KCNIP1: variants seen among roughly 807,000 people sequenced by gnomAD.
KCNIP1 encodes the protein potassium voltage-gated channel interacting protein 1, also known as A-type potassium channel modulatory protein KCNIP1.
Under a neutral mutation model 33.0 loss-of-function variants are expected in KCNIP1, and 18 were observed. The observed-to-expected ratio is 0.55, with a 90% CI of 0.38 to 0.81. KCNIP1 has a LOEUF of 0.81. KCNIP1 is among the 30% of genes least tolerant of loss of function. KCNIP1 has a pLI of 0.00. For missense variants in KCNIP1, 238 were observed against 271.6 expected (o/e 0.88, Z 0.87); for synonymous variants, 93 against 98.3 (o/e 0.95, Z 0.32).
chr5:170,656,626 A>G (rs1031062470), intron 1 of KCNIP1, among the ~76,000 whole-genome samples: 2 of 152,206 alleles, frequency 1.3e-5, no homozygotes, highest in African/African-American at 4.8e-5. Context: ...GGAGCCTGGG[A>G]GAGGCCACCC....
intron 1 of KCNIP1, among the ~76,000 whole-genome samples, chr5:170,515,740 A>G (rs1408730775): frequency 2.6e-5 from 4 of 152,234 alleles, no homozygotes; most frequent in Non-Finnish European, 5.9e-5. Context: ...CAGTGCCTGC[A>G]TGCTGAATCA....
chr5:170,415,258 GC>G (rs1755297320), intron 1 of KCNIP1, among the ~76,000 whole-genome samples: 1 of 152,122 alleles, frequency 6.6e-6, no homozygotes, highest in Non-Finnish European at 1.5e-5. Context: ...GTTTGTGTTT[GC>G]CGTCTGCCTG....
At chr5:170,439,175 T>C (rs1478062815) in intron 1 of KCNIP1, among the ~76,000 whole-genome samples, 4 of 152,202 alleles carry the variant, frequency 2.6e-5, no homozygotes, top group African/African-American at 9.6e-5. Flanking sequence ...CTATACCCAC[T>C]TAATAAACCG....
chr5:170,596,054 G>A (rs1253864067), intron 1 of KCNIP1, among the ~76,000 whole-genome samples: 3 of 152,058 alleles, frequency 2.0e-5, no homozygotes, highest in Non-Finnish European at 4.4e-5. Context: ...TAAGATGCAG[G>A]GACTCAAAAA....
At chr5:170,470,386 C>T (rs113065922) in intron 1 of KCNIP1, among the ~76,000 whole-genome samples, 23 of 152,224 alleles carry the variant, frequency 1.5e-4, no homozygotes, top group African/African-American at 5.3e-4. Flanking sequence ...CCTAGACCAC[C>T]GTGAGCTCCC....
intron 1 of KCNIP1, among the ~76,000 whole-genome samples, chr5:170,633,747 G>GGGCGGAGGGGGGAT: frequency 1.1e-5 from 1 of 89,064 alleles, no homozygotes; most frequent in East Asian, 4.8e-4. Flanking sequence ...GGGGGGGGCG[G>GGGCGGAGGGGGGAT]GGGGCGGGGC....
chr5:170,493,859 G>A (rs1482189459), intron 1 of KCNIP1, among the ~76,000 whole-genome samples: 2 of 152,150 alleles, frequency 1.3e-5, no homozygotes, highest in South Asian at 2.1e-4. Context: ...ATTGCAAATA[G>A]TGCATACTCC....
In KCNIP1 at chr5:170,383,934, G is replaced by C. The variant is rs1405952820; in HGVS notation, c.88+29970G>C. 4.1e-6 allele frequency: 6 copies of C among 1,448,580 alleles called. No homozygotes were observed. In the African/African-American group the frequency reaches 8.4e-5, roughly 20 times the overall value. The allele number at this position is 1,448,580 out of a possible 1,614,324, so 89.7% of individuals were successfully genotyped here. A position where few individuals can be genotyped will look rare whatever the true frequency, so the allele number is the denominator to read the frequency against. ...ACCCATTTGAACCCATTATCCCCTG[G>C]GAGCCTCTAGAGGGATCCAGGACTG... is the stretch of plus-strand genomic sequence containing the variant. On this transcript the variant is annotated intron_variant, in intron 1 of 7. Transcript: ENST00000377360.
chr5:170,612,026 C>G (rs762644206), intron 1 of KCNIP1, among the ~76,000 whole-genome samples: 4 of 152,190 alleles, frequency 2.6e-5, no homozygotes, highest in Non-Finnish European at 5.9e-5. Context: ...TGAATAATGG[C>G]CCCACACCTC....
At chr5:170,718,608 G>C in intron 1 of KCNIP1, 150 bp from the exon 2 acceptor site, 1 of 842,678 alleles carries the variant, frequency 1.2e-6, no homozygotes. Context: ...GGGAAGTGGG[G>C]TTCAAGATAG....
At chr5:170,462,702 T>A (rs1159395047) in intron 1 of KCNIP1, among the ~76,000 whole-genome samples, 1 of 152,078 alleles carries the variant, frequency 6.6e-6, no homozygotes, top group Non-Finnish European at 1.5e-5. Context: ...GCAGCACAAT[T>A]CGCAATTGTA....
At chr5:170,628,752 C>T (rs995583142) in intron 1 of KCNIP1, among the ~76,000 whole-genome samples, 2 of 152,250 alleles carry the variant, frequency 1.3e-5, no homozygotes, top group African/African-American at 4.8e-5. Context: ...CACAACGCTG[C>T]AGTGCACGCG....
chr5:170,561,212 T>C (rs1475937860), intron 1 of KCNIP1: 2 of 434,682 alleles, frequency 4.6e-6, no homozygotes, highest in Non-Finnish European at 9.3e-6. Context: ...GACATTTAAA[T>C]GTCAATTAGA....
Position 170,693,590 on chromosome 5 carries a change from G to A in KCNIP1, c.62-25168G>A, listed in dbSNP as rs151278128. On this transcript the variant is annotated intron_variant, in intron 1 of 7. Coordinates refer to ENST00000328939, the MANE Select transcript of KCNIP1 (RefSeq NM_014592.4). ...GGGTATAGGACCCAGCTCTTCCCAC[G>A]TCTCTGCCTTTACCGAATCAAACAC... 1.4e-4 allele frequency among the ~76,000 whole-genome samples: 21 copies of A among 152,206 alleles called. No individual in the cohort carries two copies. The East Asian group carries it at 2.1e-3, about 15-fold the overall frequency.
At chr5:170,598,381 C>A (rs927255268) in intron 1 of KCNIP1, among the ~76,000 whole-genome samples, 10 of 152,158 alleles carry the variant, frequency 6.6e-5, no homozygotes, top group Admixed American at 4.6e-4. Context: ...TCATCTGAGT[C>A]CATGTTTGGT....
At chr5:170,587,566 T>C (rs1358777870) in intron 1 of KCNIP1, among the ~76,000 whole-genome samples, 2 of 152,168 alleles carry the variant, frequency 1.3e-5, no homozygotes, top group Admixed American at 6.5e-5. Context: ...GGGAAAGTGT[T>C]TCCTTGCCTG....
intron 1 of KCNIP1, among the ~76,000 whole-genome samples, chr5:170,467,655 C>T (rs144305756): frequency 0.013 from 1,915 of 152,192 alleles, 43 homozygotes; most frequent in African/African-American, 0.043. Flanking sequence ...CGGTGGCTCA[C>T]GCCTGTAATC....
At chr5:170,568,299 T>C (rs1476428377) in intron 1 of KCNIP1, among the ~76,000 whole-genome samples, 1 of 152,200 alleles carries the variant, frequency 6.6e-6, no homozygotes, top group Non-Finnish European at 1.5e-5. Flanking sequence ...GACACTGTGC[T>C]GAACACTAAG....
At chr5:170,597,025 A>G (rs925694342) in intron 1 of KCNIP1, among the ~76,000 whole-genome samples, 5 of 152,196 alleles carry the variant, frequency 3.3e-5, no homozygotes, top group African/African-American at 7.2e-5. Flanking sequence ...CAAGGCACAG[A>G]ATTTAAGTAA....
Sources: allele counts gnomAD v4.1 joint callset (sites outside exome capture counted in the v4.1 genomes callset), GRCh38; gene constraint gnomAD v4.1.1; transcripts MANE v1.5; gene names NCBI Gene and HGNC (gene_info 2026-07-23, HGNC 2026-07-21).